NSUN7: variants seen among roughly 807,000 people sequenced by gnomAD.
NSUN7 encodes NOP2/Sun RNA methyltransferase family member 7, also known as protein NSUN7.
NSUN7 carries 39 observed loss-of-function variants against 58.5 expected under a neutral mutation model. The observed-to-expected ratio is 0.67, with a 90% CI of 0.52 to 0.87. The LOEUF (loss-of-function observed/expected upper bound fraction) is 0.87, where lower values mean the gene tolerates loss of function less well. Among genes scored for constraint, NSUN7 ranks in the 40% least tolerant of loss-of-function variants. The probability of loss-of-function intolerance (pLI) is 0.00; values close to 1 mark genes in which losing one functional copy is unlikely to be tolerated. For missense variants in NSUN7, 765 were observed against 844.1 expected (o/e 0.91, Z 1.16); for synonymous variants, 278 against 303.7 (o/e 0.92, Z 0.88).
intron 2 of NSUN7, among the ~76,000 whole-genome samples, chr4:40,759,346 A>G (rs1021402886): frequency 6.6e-6 from 1 of 152,228 alleles, no homozygotes; most frequent in Admixed American, 6.5e-5. Context: ...AGCATTTGTT[A>G]TATGATGTAT....
At chr4:40,754,991 AC>A (rs1365872359) in intron 2 of NSUN7, among the ~76,000 whole-genome samples, 2 of 152,174 alleles carry the variant, frequency 1.3e-5, no homozygotes, top group African/African-American at 4.8e-5. Flanking sequence ...TTACCAAATA[AC>A]CCCAAGGTCA....
chr4:40,796,456 A>T (rs1023580434), intron 9 of NSUN7, among the ~76,000 whole-genome samples: 5 of 152,116 alleles, frequency 3.3e-5, no homozygotes, highest in Non-Finnish European at 7.4e-5. Context: ...CCTGGACAAC[A>T]TAGTGAGACC....
rs1560563908 is a variant in NSUN7, at chr4:40,799,086, T to TTTTTG, written c.1400+186_1400+187insGTTTT. On this transcript the variant is annotated intron_variant, in intron 10 of 11. Transcript: ENST00000381782. Reference sequence around the variant, plus strand: ...TAGGGCCTTTTTCTTTTTTTTTTTTTTTTTTTTTTTTTTTTTAAAGATGGA... The same window carrying TTTTTG: ...TAGGGCCTTTTTCTTTTTTTTTTTTTTTTTGTTTTTTTTTTTTTTTTAAAGATGGA... Among the ~76,000 whole-genome samples, 71 of 140,054 alleles carry TTTTTG rather than the reference T, an allele frequency of 5.1e-4. 4 individuals carry two copies. The South Asian group carries it at 0.016, about 32-fold the overall frequency. The allele number at this position is 140,054 out of a possible 152,430, so 91.9% of individuals were successfully genotyped here.
At chr4:40,765,497 T>G (rs1741680668) in intron 4 of NSUN7, among the ~76,000 whole-genome samples, 1 of 151,550 alleles carries the variant, frequency 6.6e-6, no homozygotes, top group South Asian at 2.1e-4. Context: ...TGTAGTATAG[T>G]TTGAAGTCAG....
At chr4:40,760,520 C>T (rs755900230) in intron 3 of NSUN7, 28 bp downstream of exon 3, 33 of 1,504,370 alleles carry the variant, frequency 2.2e-5, no homozygotes, top group East Asian at 1.6e-4. Flanking sequence ...AGAATTACAT[C>T]GTTTCATGAT....
chr4:40,776,483 A>G (rs1375615713), intron 7 of NSUN7: 3 of 340,578 alleles, frequency 8.8e-6, no homozygotes, highest in Admixed American at 8.9e-5. Flanking sequence ...ATACTGTTTG[A>G]CATTTAGCTC....
intron 2 of NSUN7, among the ~76,000 whole-genome samples, chr4:40,754,452 G>T (rs1741034912): frequency 6.6e-6 from 1 of 152,104 alleles, no homozygotes; most frequent in Admixed American, 6.5e-5. Context: ...CAAGCCATCT[G>T]CTATTTTACT....
chr4:40,773,926 G>A (rs1258121172), intron 4 of NSUN7, among the ~76,000 whole-genome samples: 2 of 151,954 alleles, frequency 1.3e-5, no homozygotes, highest in African/African-American at 2.4e-5. Context: ...AACCTCCCGA[G>A]TAGCTGGGAT....
intron 9 of NSUN7, among the ~76,000 whole-genome samples, chr4:40,796,077 G>GT (rs1743311969): frequency 6.6e-6 from 1 of 152,072 alleles, no homozygotes; most frequent in Non-Finnish European, 1.5e-5. Flanking sequence ...CTTTAAAATC[G>GT]TAAGTGGGAG....
rs1324132904 is a variant in NSUN7 at position 40,783,846 on chromosome 4, T to TA, written c.1037-6741dup. Among the ~76,000 whole-genome samples, 513 of 142,362 alleles carry TA rather than the reference T, an allele frequency of 3.6e-3. 1 individual carries two copies. Among genetic ancestry groups the TA allele is most frequent in the Non-Finnish European group, 5.0e-3 (326 of 65,052 alleles). The allele number at this position is 142,362 out of a possible 152,430, so 93.4% of individuals were successfully genotyped here. A position where few individuals can be genotyped will look rare whatever the true frequency, so the allele number is the denominator to read the frequency against. ...CTAGGCAACAGAGCGAGAATCCATTTAAAAAAAAAAAAAAAGATAACTCAC... is the reference window on the plus strand; with the variant it reads ...CTAGGCAACAGAGCGAGAATCCATTTAAAAAAAAAAAAAAAAGATAACTCAC... On this transcript the variant is annotated intron_variant, in intron 7 of 11. Transcript: ENST00000381782.
Position 40,750,904 on chromosome 4 carries a change from G to A in NSUN7, c.211G>A (p.Gly71Arg), listed in dbSNP as rs1468929382. 2 of 1,614,188 alleles carry A rather than the reference G, an allele frequency of 1.2e-6. No individual in the cohort carries two copies. The highest frequency in any genetic ancestry group is 2.2e-5 in the South Asian group (2 of 91,076). Residue 71 changes from glycine (G) to arginine (R), a missense_variant, in exon 2 of 12, where the codon GGG becomes AGG. Transcript: ENST00000381782. ...KSAQKVLIKY[G>R]NEPLRSLSES... ...GGCACAGAAAGTCTTAATCAAGTAT[G>A]GGAATGAACCCCTGCGGTCCTTGTC...
intron 10 of NSUN7, among the ~76,000 whole-genome samples, chr4:40,800,529 G>A (rs879264862): frequency 6.6e-6 from 1 of 152,000 alleles, no homozygotes; most frequent in Non-Finnish European, 1.5e-5. Flanking sequence ...TAATAGAGAC[G>A]GAGTTTCACC....
rs200129762 is a variant in NSUN7 at position 40,754,864 on chromosome 4, CCTT to C, written c.298+3875_298+3877del. On this transcript the variant is annotated intron_variant, in intron 2 of 11. Transcript: ENST00000381782. ...TTATTGTTTGTTCCTTTGCTGATGT[CCTT>C]CATTGTATATAAGATCTTTCAAGAC... is the stretch of plus-strand genomic sequence containing the variant. Among the ~76,000 whole-genome samples, 686 of 152,188 alleles carry C rather than the reference CCTT, an allele frequency of 4.5e-3. 16 individuals are homozygous for C. The highest frequency in any genetic ancestry group is 0.042 in the Admixed American group (638 of 15,276).
chr4:40,810,058 A>G lies in NSUN7; in HGVS notation c.*1119A>G, dbSNP rs1744117381. On this transcript the variant is annotated 3_prime_UTR_variant, in exon 12 of 12. Transcript: ENST00000381782. ...TTGAATTTAAAGTTTTATTTTTGCAATTCAGTTGTATAGAAATGTTACATA... is the reference window on the plus strand; with the variant it reads ...TTGAATTTAAAGTTTTATTTTTGCAGTTCAGTTGTATAGAAATGTTACATA... 6.6e-6 allele frequency: 1 copy of G among 152,188 alleles called. No individual in the cohort carries two copies. Among genetic ancestry groups the G allele is most frequent in the Non-Finnish European group, 1.5e-5 (1 of 68,028 alleles). 9.4% of individuals were successfully genotyped at this position (152,188 alleles called of 1,614,324 possible).
intron 8 of NSUN7, among the ~76,000 whole-genome samples, chr4:40,793,437 G>A (rs1192386937): frequency 1.3e-5 from 2 of 151,464 alleles, no homozygotes; most frequent in African/African-American, 2.4e-5. Flanking sequence ...GTGAGATCCT[G>A]TCTCAAAAAA....
chr4:40,799,084 T>TTTTG lies in NSUN7; in HGVS notation c.1400+183_1400+184insGTTT, dbSNP rs1560563874. Among the ~76,000 whole-genome samples the TTTTG allele has an allele frequency of 2.5e-3, 353 of 139,292 alleles. 19 individuals are homozygous for TTTTG. The highest frequency in any genetic ancestry group is 9.1e-3 in the African/African-American group (335 of 36,862). 91.4% of individuals were successfully genotyped at this position (139,292 alleles called of 152,430 possible). On this transcript the variant is annotated intron_variant, in intron 10 of 11. Transcript: ENST00000381782. ...CATAGGGCCTTTTTCTTTTTTTTTT[T>TTTTG]TTTTTTTTTTTTTTTTTTAAAGATG...
chr4:40,797,546 ATT>A lies in NSUN7; in HGVS notation c.1283-1239_1283-1238del, dbSNP rs200122059. Among the ~76,000 whole-genome samples the A allele has an allele frequency of 8.6e-3, 1,313 of 152,226 alleles. 9 individuals carry two copies. The highest frequency in any genetic ancestry group is 0.054 in the Middle Eastern group (16 of 294). ...GCTAAAAACGTTAGCATTATCCATG[ATT>A]TCTCTTTCATACCCACAGCCAGTCT... On this transcript the variant is annotated intron_variant, in intron 9 of 11. Transcript: ENST00000381782.
Position 40,810,826 on chromosome 4 carries a change from G to T in NSUN7, c.*1887G>T, listed in dbSNP as rs1388952540. The T allele has an allele frequency of 6.6e-6, 1 of 152,116 alleles. No individual in the cohort carries two copies. Among genetic ancestry groups the T allele is most frequent in the African/African-American group, 2.4e-5 (1 of 41,414 alleles). The allele number at this position is 152,116 out of a possible 1,614,324, so 9.4% of individuals were successfully genotyped here. ...CCAGATTTCTATCTGGTTGGTTAGG[G>T]TAGTCCATGCCTCAAGGAAGGCGGT... On this transcript the variant is annotated 3_prime_UTR_variant, in exon 12 of 12. Coordinates refer to ENST00000381782, the MANE Select transcript of NSUN7 (RefSeq NM_024677.6).
intron 2 of NSUN7, among the ~76,000 whole-genome samples, chr4:40,759,141 C>A (rs562629075): frequency 8.6e-5 from 13 of 151,946 alleles, no homozygotes; most frequent in African/African-American, 3.1e-4. Flanking sequence ...GAAACCCTGT[C>A]TCTACTAAAA....
Sources: allele counts gnomAD v4.1 joint callset (sites outside exome capture counted in the v4.1 genomes callset), GRCh38; gene constraint gnomAD v4.1.1; transcripts MANE v1.5; gene names NCBI Gene and HGNC (gene_info 2026-07-23, HGNC 2026-07-21).